HERC1: variants seen among roughly 807,000 people sequenced by gnomAD.
The protein encoded by HERC1 is HECT and RLD domain containing E3 ubiquitin protein ligase family member 1.
Under a neutral mutation model 554.3 loss-of-function variants are expected in HERC1, and 160 were observed. The ratio of observed to expected loss-of-function variants is 0.29; its 90% CI spans 0.25 to 0.33. The LOEUF is 0.33. HERC1 is among the 10% of genes least tolerant of loss of function. HERC1 has a pLI of 1.00. For missense variants in HERC1, 4,919 were observed against 5,918.5 expected, an observed-to-expected ratio of 0.83 and a Z score of 5.54; for synonymous variants, 2,175 against 2,131.7, an observed-to-expected ratio of 1.02 and a Z score of -0.56.
chr15:63,618,847 T>C (rs1237622452), intron 74 of HERC1, among the ~76,000 whole-genome samples: 1 of 152,260 alleles, frequency 6.6e-6, no homozygotes, highest in East Asian at 1.9e-4. Context: ...ATTGATTTTG[T>C]ATCCTGATAC....
At chr15:63,806,212 C>T (rs1032731254) in intron 1 of HERC1, among the ~76,000 whole-genome samples, 6 of 151,254 alleles carry the variant, frequency 4.0e-5, no homozygotes, top group African/African-American at 1.2e-4. Context: ...GTTGCCCAGG[C>T]TAGAGTGCAG....
At chr15:63,799,441 C>T (rs1156981755) in intron 1 of HERC1, among the ~76,000 whole-genome samples, 4 of 151,406 alleles carry the variant, frequency 2.6e-5, no homozygotes, top group African/African-American at 4.9e-5. Context: ...TCAAGGCTGC[C>T]GTGAGCTATG....
chr15:63,754,505 C>A lies in HERC1; in HGVS notation c.1774G>T (p.Gly592Cys). ...TACTGATAAATAATTTTTTACATACCATTGTCTCCTCCTCCAAAAGACCAT... is the reference window on the plus strand; with the variant it reads ...TACTGATAAATAATTTTTTACATACAATTGTCTCCTCCTCCAAAAGACCAT... The part of the protein sequence containing the change: ...TVWSFGGGDN[G>C]KLGHGDTNRV... Residue 592 changes from glycine (G) to cysteine (C), a missense_variant and splice_region_variant, in exon 7 of 78, where the codon GGT becomes TGT. By Grantham distance (159) the Gly-to-Cys change is radical. Coordinates refer to ENST00000443617, the MANE Select transcript of HERC1 (RefSeq NM_003922.4). The A allele has an allele frequency of 6.3e-7, 1 of 1,580,538 alleles. No individual in the cohort carries two copies. Among genetic ancestry groups the A allele is most frequent in the South Asian group, 1.2e-5 (1 of 82,898 alleles).
Position 63,664,450 on chromosome 15 carries a change from G to A in HERC1, c.8680+20C>T. ...AAATAAGATCTTTCACAAAGAAAAGGATACGGAACATAAAATTACCTGCTC... is the reference window on the plus strand; with the variant it reads ...AAATAAGATCTTTCACAAAGAAAAGAATACGGAACATAAAATTACCTGCTC... On this transcript the variant is annotated intron_variant, in intron 43 of 77. Transcript: ENST00000443617. 2 of 1,589,862 alleles carry A rather than the reference G, an allele frequency of 1.3e-6. No homozygotes were observed. Among genetic ancestry groups the A allele is most frequent in the Non-Finnish European group, 1.7e-6 (2 of 1,163,834 alleles).
rs759517354 is a variant in HERC1, at chr15:63,712,977, GATA to G, written c.4464-85_4464-83del. On this transcript the variant is annotated intron_variant, in intron 23 of 77. Transcript: ENST00000443617. The stretch of plus-strand genomic sequence containing the variant: ...AAATTGAATGGAATTGGAGCACAGA[GATA>G]ATATACACACACAGGGAGGAGTAAT... 1,628 of 1,300,488 alleles carry G rather than the reference GATA, an allele frequency of 1.3e-3. 4 individuals are homozygous for G. The highest frequency in any genetic ancestry group is 5.7e-3 in the Middle Eastern group (28 of 4,926). 80.6% of individuals were successfully genotyped at this position (1,300,488 alleles called of 1,614,324 possible). A position where few individuals can be genotyped will look rare whatever the true frequency, so the allele number is the denominator to read the frequency against.
At chr15:63,661,675 T>C in intron 45 of HERC1, 78 bp downstream of exon 45, 1 of 1,461,324 alleles carries the variant, frequency 6.8e-7, no homozygotes, top group Non-Finnish European at 9.4e-7. Flanking sequence ...ACTCCTCACG[T>C]GAAAAATCTA....
intron 1 of HERC1, among the ~76,000 whole-genome samples, chr15:63,818,355 TA>T (rs2077568377): frequency 6.6e-6 from 1 of 151,998 alleles, no homozygotes; most frequent in Non-Finnish European, 1.5e-5. Flanking sequence ...TTATCTTGTG[TA>T]CAAAAACCCT....
At chr15:63,701,855 T>G (rs913245650) in intron 25 of HERC1, among the ~76,000 whole-genome samples, 1 of 152,180 alleles carries the variant, frequency 6.6e-6, no homozygotes, top group African/African-American at 2.4e-5. Context: ...AACTTTGGTT[T>G]GCTCTGTACT....
chr15:63,630,633 G>T lies in HERC1; in HGVS notation c.12799C>A (p.Arg4267Ser). 6.2e-7 allele frequency: 1 copy of T among 1,606,146 alleles called. No individual in the cohort carries two copies. Among genetic ancestry groups the T allele is most frequent in the South Asian group, 1.1e-5 (1 of 89,598 alleles). ...CGCCCCTCTGGCAAGCCTATCAGGC[G>T]ATCTGAAAAAAACAAAACAAAAACA... ...DGHVYTFGQD[R>S]LIGLPEGRAR... Residue 4267 changes from arginine (R) to serine (S), a missense_variant and splice_region_variant, in exon 69 of 78, where the codon CGC (arginine) becomes AGC (serine). This residue lies in a region of HERC1 where 410 missense variants were observed against 467.0 expected (regional missense o/e 0.88). Coordinates refer to ENST00000443617, the MANE Select transcript of HERC1 (RefSeq NM_003922.4).
chr15:63,794,843 A>G (rs2076762789), intron 1 of HERC1, among the ~76,000 whole-genome samples: 1 of 152,082 alleles, frequency 6.6e-6, no homozygotes, highest in Non-Finnish European at 1.5e-5. Flanking sequence ...AGGTGGGCGG[A>G]TCACCTGAGG....
At position 63,794,128 on chromosome 15, in the gene HERC1, A is replaced by G. The variant is rs141550985; in HGVS notation, c.-26-18479T>C. Among the ~76,000 whole-genome samples the G allele has an allele frequency of 2.6e-4, 39 of 152,276 alleles. 2 individuals are homozygous for G. The East Asian group carries it at 7.3e-3, about 29-fold the overall frequency. Reference sequence around the variant, plus strand: ...GGTCTAAAAAGGGGAGGCATGAATAATCCACCCCTTGTTTAGCATATCATC... The same window carrying G: ...GGTCTAAAAAGGGGAGGCATGAATAGTCCACCCCTTGTTTAGCATATCATC... On this transcript the variant is annotated intron_variant, in intron 1 of 77. Coordinates refer to ENST00000443617, the MANE Select transcript of HERC1 (RefSeq NM_003922.4).
chr15:63,614,617 TA>T (rs1302767697), intron 76 of HERC1, among the ~76,000 whole-genome samples: 2 of 152,206 alleles, frequency 1.3e-5, no homozygotes, highest in Non-Finnish European at 2.9e-5. Context: ...ACTAAACTTC[TA>T]TAGCTTCACA....
Position 63,754,367 on chromosome 15 carries a change from G to C in HERC1, c.1774+138C>G, listed in dbSNP as rs561626603. 2.0e-5 allele frequency: 10 copies of C among 499,430 alleles called. No homozygotes were observed. The East Asian group carries it at 3.3e-4, about 16-fold the overall frequency. 30.9% of individuals were successfully genotyped at this position (499,430 alleles called of 1,614,324 possible). On this transcript the variant is annotated intron_variant, in intron 7 of 77. Coordinates refer to ENST00000443617, the MANE Select transcript of HERC1 (RefSeq NM_003922.4). Reference sequence around the variant, plus strand: ...GTTAACAATGGTTAAAGTAACATTTGTAAAAGCTCAGTTCATTTTTTAATT... The same window carrying C: ...GTTAACAATGGTTAAAGTAACATTTCTAAAAGCTCAGTTCATTTTTTAATT...
In HERC1 at chr15:63,775,335, A is replaced by T. The variant is rs1596222539; in HGVS notation, c.289T>A (p.Ser97Thr). The change falls in exon 2 of 78, where the codon TCC becomes ACC. Residue 97 changes from serine (S) to threonine (T), a missense_variant. Ser to Thr is a moderately conservative substitution (Grantham distance 58). This residue lies in a region of HERC1 where 744 missense variants were observed against 1,090.0 expected (regional missense o/e 0.68). Coordinates refer to ENST00000443617, the MANE Select transcript of HERC1 (RefSeq NM_003922.4). The surrounding 1 kb of genome is among the most constrained non-coding windows in gnomAD (Gnocchi z 4.0). ...TTTCTAAGTGCCCCGGCAAATGGGG[A>T]ATCTGAACATACCATCTTTGCCAAT... ...LALAKMVCSDSPFAGALRKRL... is the reference protein window; with the variant it reads ...LALAKMVCSDTPFAGALRKRL... 6.2e-7 allele frequency: 1 copy of T among 1,613,954 alleles called. No individual in the cohort carries two copies. The highest frequency in any genetic ancestry group is 2.2e-5 in the East Asian group (1 of 44,890).
chr15:63,769,354 G>C (rs1040402175), intron 2 of HERC1, among the ~76,000 whole-genome samples: 1 of 152,072 alleles, frequency 6.6e-6, no homozygotes, highest in Non-Finnish European at 1.5e-5. Flanking sequence ...TGGGAGGCGG[G>C]AGCTGCAGTG....
chr15:63,661,889 G>C lies in HERC1; in HGVS notation c.9034C>G (p.Arg3012Gly). The C allele has an allele frequency of 6.2e-7, 1 of 1,613,942 alleles. No individual in the cohort carries two copies. Among genetic ancestry groups the C allele is most frequent in the Non-Finnish European group, 8.5e-7 (1 of 1,179,878 alleles). Reference sequence around the variant, plus strand: ...CCATCCACATAGGAACCATTGCTGCGATAGCCCTGGCGGTTTGCACTGCGC... The same window carrying C: ...CCATCCACATAGGAACCATTGCTGCCATAGCCCTGGCGGTTTGCACTGCGC... ...CGRSANRQGY[R>G]SNGSYVDGWF... The change falls in exon 45 of 78, where the codon CGC becomes GGC. Residue 3012 changes from arginine (R) to glycine (G), a missense_variant. Arg to Gly is a moderately radical substitution (Grantham distance 125, BLOSUM62 -2). Around this residue, in one of 11 missense-constraint regions of HERC1, gnomAD observed 1,963 missense variants for 2,228.6 expected, o/e 0.88. Transcript: ENST00000443617.
chr15:63,730,727 C>T (rs8032611), intron 14 of HERC1, among the ~76,000 whole-genome samples: 1,857 of 152,220 alleles, frequency 0.012, 39 homozygotes, highest in African/African-American at 0.043. Flanking sequence ...AAATACTTAG[C>T]GGCAGCCAGC....
chr15:63,812,758 T>C (rs2077369924), intron 1 of HERC1, among the ~76,000 whole-genome samples: 1 of 151,674 alleles, frequency 6.6e-6, no homozygotes, highest in Non-Finnish European at 1.5e-5. Context: ...AGGATCTACA[T>C]GCTAAAAATT....
rs1249536970 is a variant in HERC1, at chr15:63,615,843, G to C, written c.14019C>G (p.Ile4673Met). The C allele has an allele frequency of 6.2e-7, 1 of 1,606,838 alleles. No individual in the cohort carries two copies. The highest frequency in any genetic ancestry group is 1.7e-5 in the Admixed American group (1 of 58,856). Reference protein sequence around the residue: ...MVPIIPGGNSIPLTFSNRKEY... With the variant: ...MVPIIPGGNSMPLTFSNRKEY... ...CCTTCCTGTTGGAAAATGTGAGTGG[G>C]ATACTATTTCCACCAGGGATTATAG... Residue 4673 changes from isoleucine to methionine, a missense_variant, in exon 76 of 78, where the codon ATC becomes ATG. By Grantham distance (10) the Ile-to-Met change is conservative (BLOSUM62 1). Transcript: ENST00000443617.
Sources: gnomAD v4.1 joint callset for allele counts (sites outside exome capture counted in the v4.1 genomes callset) on GRCh38, gnomAD v4.1.1 for gene constraint, gnomAD v4.1.1 regional missense constraint, Gnocchi (gnomAD v3.1) non-coding constraint, MANE v1.5 for transcripts, NCBI Gene and HGNC (gene_info 2026-07-23, HGNC 2026-07-21) for gene names.